The following CHEK1 variants were observed in gnomAD, a reference collection of about 807,000 sequenced individuals.
CHEK1 encodes the protein serine/threonine-protein kinase Chk1.
A neutral mutation model predicts 60.2 loss-of-function variants in CHEK1; 32 were observed. The ratio of observed to expected loss-of-function variants is 0.53; its 90% CI spans 0.40 to 0.71. CHEK1 has a LOEUF of 0.71. Ranked by LOEUF, CHEK1 falls within the 30% of genes least tolerant of loss-of-function variation. The probability of loss-of-function intolerance (pLI) is 0.00; values close to 1 mark genes in which losing one functional copy is unlikely to be tolerated. For missense variants in CHEK1, 399 were observed against 564.6 expected, an observed-to-expected ratio of 0.71 and a Z score of 2.97; for synonymous variants, 179 against 187.2, an observed-to-expected ratio of 0.96 and a Z score of 0.36.
chr11:125,677,266 C>T (rs936880485), downstream of CHEK1, among the ~76,000 whole-genome samples: 1 of 152,190 alleles, frequency 6.6e-6, no homozygotes, highest in African/African-American at 2.4e-5. Flanking sequence ...TTTCCCAGAA[C>T]AAACCCTTTT....
chr11:125,653,059 T>C lies in CHEK1; in HGVS notation c.1234-687T>C, dbSNP rs112583294. Among the ~76,000 whole-genome samples, 12,017 of 152,228 alleles carry C rather than the reference T, an allele frequency of 0.079. 567 individuals carry two copies. The highest frequency in any genetic ancestry group is 0.13 in the African/African-American group (5,339 of 41,522). Reference sequence around the variant, plus strand: ...GTTTCCACATATGAGTGAGAACATGTGATGTTTAATTTTCTGTTCCTGGCT... The same window carrying C: ...GTTTCCACATATGAGTGAGAACATGCGATGTTTAATTTTCTGTTCCTGGCT... On this transcript the variant is annotated intron_variant, in intron 11 of 12. Coordinates refer to ENST00000438015, the MANE Select transcript of CHEK1 (RefSeq NM_001114122.3). This position sits in a 1 kb window ranked among gnomAD's most constrained non-coding sequence, Gnocchi z 4.3.
intron 13 of CHEK1, chr11:125,672,589 G>T: frequency 5.0e-6 from 8 of 1,613,832 alleles, no homozygotes; most frequent in Non-Finnish European, 6.8e-6. Context: ...AAGGGCCCAG[G>T]CTTCTAGATC....
chr11:125,627,432 T>A (rs1041003295), intron 2 of CHEK1, among the ~76,000 whole-genome samples, 175 bp from the exon 3 acceptor site: 2 of 152,238 alleles, frequency 1.3e-5, no homozygotes, highest in Non-Finnish European at 2.9e-5. Context: ...GCTATTGTAT[T>A]TCACATTTTA....
In CHEK1 at chr11:125,637,502, G is replaced by C. The variant is rs201385540; in HGVS notation, c.772G>C (p.Asp258His). Residue 258 changes from aspartate to histidine, a missense_variant, in exon 8 of 13, where the codon GAC (aspartate) becomes CAC (histidine). Physicochemically the swap from Asp to His is moderately conservative, Grantham distance 81. This residue lies in a region of CHEK1 where 370 missense variants were observed against 494.8 expected (regional missense o/e 0.75). Coordinates refer to ENST00000438015, the MANE Select transcript of CHEK1 (RefSeq NM_001114122.3). ...TCCATCAGCAAGAATTACCATTCCA[G>C]ACATCAAAAAAGATAGATGGTACAA... The part of the protein sequence containing the change: ...ENPSARITIP[D>H]IKKDRWYNKP... 1 of 1,610,088 alleles carries C rather than the reference G, an allele frequency of 6.2e-7. No homozygotes were observed. Among genetic ancestry groups the C allele is most frequent in the South Asian group, 1.1e-5 (1 of 90,380 alleles).
chr11:125,678,978 T>TTTTATATATATATA (rs1555078664), downstream of CHEK1, among the ~76,000 whole-genome samples: 1 of 88,442 alleles, frequency 1.1e-5, no homozygotes, highest in East Asian at 3.0e-4. Context: ...TCTAGGCATA[T>TTTTATATATATATA]TATATATATA....
downstream of CHEK1, among the ~76,000 whole-genome samples, chr11:125,679,351 GGGATTACA>G (rs138618487): frequency 0.021 from 3,112 of 151,712 alleles, 84 homozygotes; most frequent in African/African-American, 0.068. Flanking sequence ...CCGAGTAGCT[GGGATTACA>G]GGTGCATGCC....
chr11:125,647,293 G>A (rs1211571924), intron 11 of CHEK1, among the ~76,000 whole-genome samples: 1 of 151,390 alleles, frequency 6.6e-6, no homozygotes, highest in Non-Finnish European at 1.5e-5. Flanking sequence ...AAATAAATAG[G>A]TCATAGATGT....
At chr11:125,668,568 G>A (rs2134094378) in intron 13 of CHEK1, among the ~76,000 whole-genome samples, 1 of 151,814 alleles carries the variant, frequency 6.6e-6, no homozygotes, top group Non-Finnish European at 1.5e-5. Context: ...AAGATCTGTT[G>A]TCTCAAAAAC....
chr11:125,646,115 T>C (rs1443607576), intron 11 of CHEK1, among the ~76,000 whole-genome samples: 1 of 152,106 alleles, frequency 6.6e-6, no homozygotes, highest in Non-Finnish European at 1.5e-5. Flanking sequence ...ACAAAACACC[T>C]CTGTACCACC....
chr11:125,637,668 C>A, intron 8 of CHEK1, 124 bp downstream of exon 8: 1 of 514,504 alleles, frequency 1.9e-6, no homozygotes, highest in Non-Finnish European at 3.3e-6. Context: ...ATTATAATGT[C>A]CAGTAGAAAA....
chr11:125,632,780 C>T (rs1287124360), intron 5 of CHEK1, among the ~76,000 whole-genome samples: 1 of 152,310 alleles, frequency 6.6e-6, no homozygotes, highest in African/African-American at 2.4e-5. Context: ...GCCTAACATA[C>T]TACTGATGTT....
At chr11:125,633,381 C>T (rs1328572877) in intron 6 of CHEK1, 30 bp downstream of exon 6, 2 of 1,469,998 alleles carry the variant, frequency 1.4e-6, no homozygotes, top group East Asian at 5.0e-5. Context: ...GGTAAAACTC[C>T]TATAAAAAGT....
chr11:125,625,417 CG>C lies in CHEK1; in HGVS notation c.-614del. 3.5e-6 allele frequency: 1 copy of C among 288,828 alleles called. No homozygotes were observed. Among genetic ancestry groups the C allele is most frequent in the Non-Finnish European group, 6.5e-6 (1 of 153,274 alleles). 17.9% of individuals were successfully genotyped at this position (288,828 alleles called of 1,614,324 possible). On this transcript the variant is annotated 5_prime_UTR_variant, in exon 1 of 13. An upstream open reading frame in the 5' UTR loses its in-frame stop. Transcript: ENST00000438015. ...CTTTCGAAGCCTCTCGCTCCCAACACGGAGTTCCTCCCATTTCTTCACAGTC... is the reference window on the plus strand; with the variant it reads ...CTTTCGAAGCCTCTCGCTCCCAACACGAGTTCCTCCCATTTCTTCACAGTC...
chr11:125,661,035 C>T (rs188403273), downstream of CHEK1, among the ~76,000 whole-genome samples: 1 of 152,208 alleles, frequency 6.6e-6, no homozygotes, highest in African/African-American at 2.4e-5. Flanking sequence ...CTTGTCCTCC[C>T]CAAGTGCTGG....
At chr11:125,672,988 G>C (rs749414208) in intron 13 of CHEK1, among the ~76,000 whole-genome samples, 2 of 151,758 alleles carry the variant, frequency 1.3e-5, no homozygotes, top group Non-Finnish European at 2.9e-5. Flanking sequence ...TCTCTTAATC[G>C]TGCTACTCCC....
At chr11:125,676,678 C>T (rs1942527012), downstream of CHEK1, among the ~76,000 whole-genome samples, 1 of 152,104 alleles carries the variant, frequency 6.6e-6, no homozygotes, top group Non-Finnish European at 1.5e-5. Flanking sequence ...CTCTGACCCT[C>T]ATTGCTGATG....
At chr11:125,648,397 A>G (rs1482879771) in intron 11 of CHEK1, among the ~76,000 whole-genome samples, 1 of 152,146 alleles carries the variant, frequency 6.6e-6, no homozygotes, top group African/African-American at 2.4e-5. Flanking sequence ...CCTGGCCCAC[A>G]TAGTGAAACC....
At chr11:125,642,893 T>G (rs1474950682) in intron 8 of CHEK1, 1 of 152,154 alleles carries the variant, frequency 6.6e-6, no homozygotes, top group Non-Finnish European at 1.5e-5. Flanking sequence ...AAGTGTAGTT[T>G]TGAAATGATC....
intron 11 of CHEK1, among the ~76,000 whole-genome samples, chr11:125,646,521 T>G (rs968636153): frequency 6.6e-6 from 1 of 152,180 alleles, no homozygotes; most frequent in Admixed American, 6.5e-5. Context: ...ATGGTAACTC[T>G]TCATTTAACT....
Sources: gnomAD v4.1 joint callset for allele counts (sites outside exome capture counted in the v4.1 genomes callset) on GRCh38, gnomAD v4.1.1 for gene constraint, gnomAD v4.1.1 regional missense constraint, Gnocchi (gnomAD v3.1) non-coding constraint, MANE v1.5 for transcripts, NCBI Gene and HGNC (gene_info 2026-07-23, HGNC 2026-07-21) for gene names.